Variants in ANO3 observed in about 807,000 individuals in gnomAD.
ANO3 encodes anoctamin 3.
ANO3 carries 99 observed loss-of-function variants against 144.8 expected under a neutral mutation model. The ratio of observed to expected loss-of-function variants is 0.68; its 90% CI spans 0.58 to 0.81. ANO3 has a LOEUF of 0.81. ANO3 is among the 30% of genes least tolerant of loss of function. The pLI, the probability that ANO3 is intolerant of heterozygous loss-of-function variation, is 0.00. For missense variants in ANO3, 905 were observed against 1,202.2 expected, an observed-to-expected ratio of 0.75 and a Z score of 3.66; for synonymous variants, 414 against 392.6, an observed-to-expected ratio of 1.05 and a Z score of -0.64.
rs56065451 is a variant in ANO3 at position 26,364,099 on chromosome 11, G to A, written c.46+31778G>A. Among the ~76,000 whole-genome samples the A allele has an allele frequency of 7.1e-3, 1,088 of 152,304 alleles. 9 individuals are homozygous for A. Among genetic ancestry groups the A allele is most frequent in the Non-Finnish European group, 0.012 (797 of 68,024 alleles). ...TTGCATCAAAGATGTTTTAACTACA[G>A]CATTCGCAGTTTCTATATCATAGTA... On this transcript the variant is annotated intron_variant, in intron 1 of 26. Coordinates refer to ENST00000256737, the MANE Select transcript of ANO3 (RefSeq NM_031418.4).
intron 7 of ANO3, among the ~76,000 whole-genome samples, chr11:26,530,987 T>A (rs747057775): frequency 6.6e-6 from 1 of 152,230 alleles, no homozygotes; most frequent in African/African-American, 2.4e-5. Context: ...ATAACATAGT[T>A]GTCCTGGAAG....
At chr11:26,598,795 C>G in intron 15 of ANO3, 63 bp from the exon 16 acceptor site, 1 of 1,539,318 alleles carries the variant, frequency 6.5e-7, no homozygotes, top group Non-Finnish European at 8.8e-7. Context: ...CGTATCAATT[C>G]TTGGGGGTAT....
At chr11:26,333,131 A>C (rs1387135127) in intron 1 of ANO3, among the ~76,000 whole-genome samples, 3 of 152,230 alleles carry the variant, frequency 2.0e-5, no homozygotes, top group Non-Finnish European at 4.4e-5. Flanking sequence ...GGTAATTATG[A>C]TACAGTTAAC....
At position 26,268,740 on chromosome 11, in the gene ANO3, C is replaced by A. The variant is rs144579710; in HGVS notation, c.155-40905C>A. On this transcript the variant is annotated intron_variant, in intron 1 of 27. Transcript: ENST00000672621. Reference sequence around the variant, plus strand: ...GATCAGTGCGACCACAGCTGCTGAGCTGCATTCAGCTGAGCAGGTTTCTAG... The same window carrying A: ...GATCAGTGCGACCACAGCTGCTGAGATGCATTCAGCTGAGCAGGTTTCTAG... Among the ~76,000 whole-genome samples, 20 of 152,294 alleles carry A rather than the reference C, an allele frequency of 1.3e-4. 1 individual carries two copies. The highest frequency in any genetic ancestry group is 4.8e-4 in the African/African-American group (20 of 41,560).
At chr11:26,320,035 T>A (rs149966555) in intron 1 of ANO3, among the ~76,000 whole-genome samples, 1 of 152,276 alleles carries the variant, frequency 6.6e-6, no homozygotes, top group African/African-American at 2.4e-5. Context: ...AACACTGGTG[T>A]GGCAGACAAA....
intron 8 of ANO3, among the ~76,000 whole-genome samples, chr11:26,532,178 A>G (rs1849391447): frequency 6.6e-6 from 1 of 152,010 alleles, no homozygotes; most frequent in Admixed American, 6.6e-5. Flanking sequence ...TCAATGGGAA[A>G]CCCTCCTTTT....
intron 1 of ANO3, among the ~76,000 whole-genome samples, chr11:26,244,328 G>A (rs1852734864): frequency 6.6e-6 from 1 of 152,112 alleles, no homozygotes; most frequent in South Asian, 2.1e-4. Flanking sequence ...CAATAACATA[G>A]TAATAGGATT....
chr11:26,288,431 G>C (rs149442705), intron 1 of ANO3, among the ~76,000 whole-genome samples: 1 of 152,106 alleles, frequency 6.6e-6, no homozygotes, highest in Admixed American at 6.6e-5. Flanking sequence ...CCAACATATA[G>C]GACAAATTAT....
chr11:26,473,861 A>G (rs1859867199), intron 4 of ANO3: 3 of 916,070 alleles, frequency 3.3e-6, no homozygotes, highest in Non-Finnish European at 3.9e-6. Context: ...TTAATAAAAA[A>G]TACAGATGTT....
intron 11 of ANO3, among the ~76,000 whole-genome samples, chr11:26,543,452 TTTTAA>T (rs749054368): frequency 4.8e-5 from 4 of 82,504 alleles, no homozygotes; most frequent in Non-Finnish European, 5.5e-5. Flanking sequence ...CACCAAACGC[TTTTAA>T]TTTCTTTTTT....
intron 1 of ANO3, among the ~76,000 whole-genome samples, chr11:26,389,211 T>C (rs561311805): frequency 6.6e-6 from 1 of 152,170 alleles, no homozygotes; most frequent in African/African-American, 2.4e-5. Context: ...GAAAAAAATG[T>C]GGAAACAAAA....
intron 1 of ANO3, among the ~76,000 whole-genome samples, chr11:26,426,521 A>C (rs1456694499): frequency 6.6e-6 from 1 of 152,212 alleles, no homozygotes; most frequent in Admixed American, 6.5e-5. Flanking sequence ...GAATGCTCAT[A>C]AGCAGTATTA....
rs534399380 is a variant in ANO3 at position 26,611,042 on chromosome 11, A to G, written c.1836+11328A>G. Among the ~76,000 whole-genome samples, 11 of 151,370 alleles carry G rather than the reference A, an allele frequency of 7.3e-5. No individual in the cohort carries two copies. In the East Asian group the frequency reaches 1.9e-3, roughly 27 times the overall value. On this transcript the variant is annotated intron_variant, in intron 17 of 26. Transcript: ENST00000256737. ...GTCTTTCCTCTTTTTTTCTGTGGTG[A>G]CTCTAAGATTTCTCATATTTGTTAA...
At chr11:26,315,686 C>T (rs146399951) in intron 1 of ANO3, among the ~76,000 whole-genome samples, 3,828 of 108,286 alleles carry the variant, frequency 0.035, 142 homozygotes, top group African/African-American at 0.099. Context: ...TCTATCTATC[C>T]ATCTATCTAT....
At chr11:26,259,617 T>C (rs113151541) in intron 1 of ANO3, among the ~76,000 whole-genome samples, 5,319 of 150,332 alleles carry the variant, frequency 0.035, 116 homozygotes, top group African/African-American at 0.052. Flanking sequence ...TGCAGTTAGC[T>C]GAGATCATGC....
chr11:26,547,330 T>G (rs1849813700), intron 11 of ANO3, 86 bp from the exon 12 acceptor site: 1 of 1,383,858 alleles, frequency 7.2e-7, no homozygotes, highest in African/African-American at 1.4e-5. Flanking sequence ...AGTTACCATC[T>G]GAAATTCTGA....
At chr11:26,368,398 A>G (rs1856152875) in intron 1 of ANO3, among the ~76,000 whole-genome samples, 1 of 152,322 alleles carries the variant, frequency 6.6e-6, no homozygotes. Flanking sequence ...GTTTACATCA[A>G]CAACCTCAAT....
At chr11:26,541,239 G>C (rs1849634936) in intron 10 of ANO3, among the ~76,000 whole-genome samples, 1 of 152,032 alleles carries the variant, frequency 6.6e-6, no homozygotes, top group Non-Finnish European at 1.5e-5. Flanking sequence ...ACTGGGAGTT[G>C]AACAATGAGA....
intron 1 of ANO3, among the ~76,000 whole-genome samples, chr11:26,323,084 T>C (rs1960495): frequency 0.058 from 8,849 of 152,038 alleles, 474 homozygotes; most frequent in African/African-American, 0.14. Context: ...CTTTGACTGC[T>C]TTCATCAATT....
Sources: allele counts gnomAD v4.1 joint callset (sites outside exome capture counted in the v4.1 genomes callset), GRCh38; gene constraint gnomAD v4.1.1; transcripts MANE v1.5; gene names NCBI Gene and HGNC (gene_info 2026-07-23, HGNC 2026-07-21).